The following PTPRJ variants were observed in gnomAD, a reference collection of about 807,000 sequenced individuals.
PTPRJ encodes the protein receptor-type tyrosine-protein phosphatase eta.
In PTPRJ, 129 loss-of-function variants were observed where a neutral mutation model predicts 141.3. That is an observed-to-expected ratio of 0.91 (90% CI 0.79 to 1.06). PTPRJ has a LOEUF of 1.06. PTPRJ is among the 50% of genes least tolerant of loss of function. The pLI is 0.00. For synonymous variants in PTPRJ, 610 were observed against 640.5 expected, an observed-to-expected ratio of 0.95 and a Z score of 0.72; for missense variants, 1,601 against 1,679.7, an observed-to-expected ratio of 0.95 and a Z score of 0.82.
chr11:48,060,861 T>C (rs1854902810), intron 1 of PTPRJ, among the ~76,000 whole-genome samples: 1 of 152,198 alleles, frequency 6.6e-6, no homozygotes, highest in Non-Finnish European at 1.5e-5. Context: ...CTTTGTTCCT[T>C]TGAGGGTGCA....
At chr11:48,047,448 G>C (rs2134243023) in intron 1 of PTPRJ, among the ~76,000 whole-genome samples, 1 of 151,950 alleles carries the variant, frequency 6.6e-6, no homozygotes, top group East Asian at 1.9e-4. Flanking sequence ...AGGGTGAAAA[G>C]CTTTTTAAAA....
At chr11:47,994,955 G>T (rs1405526397) in intron 1 of PTPRJ, among the ~76,000 whole-genome samples, 1 of 152,028 alleles carries the variant, frequency 6.6e-6, no homozygotes, top group Non-Finnish European at 1.5e-5. Flanking sequence ...CTATTCTCAG[G>T]GTCAATGTAT....
chr11:48,007,030 G>T (rs1280194258), intron 1 of PTPRJ, among the ~76,000 whole-genome samples: 2 of 152,062 alleles, frequency 1.3e-5, no homozygotes, highest in East Asian at 3.9e-4. Context: ...TTAGAGAGCA[G>T]TCTGATGTGT....
intron 1 of PTPRJ, among the ~76,000 whole-genome samples, chr11:48,047,627 C>G (rs976422679): frequency 1.3e-5 from 2 of 152,034 alleles, no homozygotes; most frequent in Admixed American, 1.3e-4. Flanking sequence ...CTCAGCCCCC[C>G]AAGTAGCTGG....
intron 1 of PTPRJ, among the ~76,000 whole-genome samples, chr11:48,023,708 G>T (rs993577680): frequency 4.0e-5 from 6 of 149,758 alleles, no homozygotes. Flanking sequence ...CTTGAACCTG[G>T]AAGGCAAAGA....
intron 8 of PTPRJ, among the ~76,000 whole-genome samples, chr11:48,134,799 A>G (rs1284679900): frequency 6.6e-6 from 1 of 152,064 alleles, no homozygotes; most frequent in African/African-American, 2.4e-5. Context: ...GCAGCGGGAG[A>G]TGATCGGAGG....
Position 48,163,554 on chromosome 11 carries a change from C to T in PTPRJ, c.3655C>T (p.Arg1219Trp), listed in dbSNP as rs745818134. The T allele has an allele frequency of 1.8e-5, 29 of 1,613,852 alleles. No individual in the cohort carries two copies. Among genetic ancestry groups the T allele is most frequent in the Middle Eastern group, 1.6e-4 (1 of 6,084 alleles). ...PDTTDLLINF[R>W]YLVRDYMKQS... is the part of the protein sequence containing the mutation. ...CACCACTGACCTGCTCATCAACTTC[C>T]GGTACCTCGTTCGTGACTACATGAA... Residue 1219 changes from arginine (R) to tryptophan (W), a missense_variant, in exon 23 of 25, where the codon CGG becomes TGG. Coordinates refer to ENST00000418331, the MANE Select transcript of PTPRJ (RefSeq NM_002843.4).
intron 1 of PTPRJ, among the ~76,000 whole-genome samples, chr11:48,039,274 T>C (rs12280964): frequency 0.068 from 10,310 of 151,832 alleles, 1,123 homozygotes; most frequent in African/African-American, 0.23. Context: ...TTAATCCTTA[T>C]ATCTACCCAT....
chr11:48,100,513 T>A (rs1025741832), intron 1 of PTPRJ, among the ~76,000 whole-genome samples: 24 of 152,242 alleles, frequency 1.6e-4, no homozygotes, highest in Admixed American at 3.3e-4. Flanking sequence ...AAAAAGACTA[T>A]TTTTAGAGCA....
intron 1 of PTPRJ, among the ~76,000 whole-genome samples, chr11:48,002,217 A>G (rs1854517249): frequency 1.3e-5 from 2 of 149,770 alleles, no homozygotes; most frequent in South Asian, 2.1e-4. Context: ...AGCTCACTGC[A>G]ACCTCTGCTT....
At chr11:48,102,820 C>T (rs1339775628) in intron 1 of PTPRJ, among the ~76,000 whole-genome samples, 1 of 152,102 alleles carries the variant, frequency 6.6e-6, no homozygotes, top group Non-Finnish European at 1.5e-5. Context: ...CAATTTAGGA[C>T]CCCCAGATTT....
chr11:47,983,813 A>G (rs1310340707), intron 1 of PTPRJ, among the ~76,000 whole-genome samples: 1 of 152,158 alleles, frequency 6.6e-6, no homozygotes, highest in Non-Finnish European at 1.5e-5. Context: ...AAATGAAAAA[A>G]AAAAGCTGGT....
Position 48,163,569 on chromosome 11 carries a change from G to A in PTPRJ, c.3670G>A (p.Asp1224Asn). 1.2e-6 allele frequency: 2 copies of A among 1,614,058 alleles called. No homozygotes were observed. Among genetic ancestry groups the A allele is most frequent in the Non-Finnish European group, 1.7e-6 (2 of 1,179,886 alleles). The change falls in exon 23 of 25, where the codon GAC (aspartate) becomes AAC (asparagine). Residue 1224 changes from aspartate (D) to asparagine (N), a missense_variant. By Grantham distance (23) the Asp-to-Asn change is conservative (BLOSUM62 1). Coordinates refer to ENST00000418331, the MANE Select transcript of PTPRJ (RefSeq NM_002843.4). ...CATCAACTTCCGGTACCTCGTTCGT[G>A]ACTACATGAAGCAGAGTCCTCCCGA... ...LLINFRYLVR[D>N]YMKQSPPESP...
chr11:48,092,669 A>T (rs1039897382), intron 1 of PTPRJ, among the ~76,000 whole-genome samples: 1 of 152,188 alleles, frequency 6.6e-6, no homozygotes, highest in African/African-American at 2.4e-5. Flanking sequence ...ACCTCAGGTG[A>T]TCCACCCACC....
chr11:48,015,634 T>TGG (rs919468731), intron 1 of PTPRJ, among the ~76,000 whole-genome samples: 1 of 151,920 alleles, frequency 6.6e-6, no homozygotes, highest in Non-Finnish European at 1.5e-5. Flanking sequence ...CCCAGCACTT[T>TGG]GGGAGGCTGA....
chr11:48,170,458 G>A lies in PTPRJ; in HGVS notation c.*3096G>A, dbSNP rs908389346. On this transcript the variant is annotated 3_prime_UTR_variant, in exon 25 of 25. Transcript: ENST00000418331. ...GGGTCAGCTATGCAGCCCATCACGTGTGTTTTTCATCTGGGATGAAAAAGC... is the reference window on the plus strand; with the variant it reads ...GGGTCAGCTATGCAGCCCATCACGTATGTTTTTCATCTGGGATGAAAAAGC... 2 of 152,158 alleles carry A rather than the reference G, an allele frequency of 1.3e-5. No individual in the cohort carries two copies. The highest frequency in any genetic ancestry group is 4.8e-5 in the African/African-American group (2 of 41,432). 9.4% of individuals were successfully genotyped at this position (152,158 alleles called of 1,614,324 possible). A position where few individuals can be genotyped will look rare whatever the true frequency, so the allele number is the denominator to read the frequency against.
In PTPRJ at chr11:48,146,973, C is replaced by T. The variant is rs1857365062; in HGVS notation, c.2999+10C>T. On this transcript the variant is annotated intron_variant, in intron 15 of 24. Coordinates refer to ENST00000418331, the MANE Select transcript of PTPRJ (RefSeq NM_002843.4). ...TCTGGAGAAAGAAGAGGTGATATTG[C>T]TTATGCTAATAATAATACTCTGGTA... The T allele has an allele frequency of 6.2e-7, 1 of 1,603,562 alleles. No homozygotes were observed.
At chr11:47,988,462 C>T (rs1048873538) in intron 1 of PTPRJ, among the ~76,000 whole-genome samples, 18 of 152,148 alleles carry the variant, frequency 1.2e-4, no homozygotes, top group Non-Finnish European at 2.4e-4. Context: ...CCACCCACCT[C>T]GGCCTCCCAC....
At chr11:48,058,417 C>T (rs1295811319) in intron 1 of PTPRJ, among the ~76,000 whole-genome samples, 2 of 151,822 alleles carry the variant, frequency 1.3e-5, no homozygotes, top group Non-Finnish European at 2.9e-5. Context: ...CGCTATGTTG[C>T]CCAGGTTGGT....
Sources: allele counts gnomAD v4.1 joint callset (sites outside exome capture counted in the v4.1 genomes callset), GRCh38; gene constraint gnomAD v4.1.1; transcripts MANE v1.5; gene names NCBI Gene and HGNC (gene_info 2026-07-23, HGNC 2026-07-21).